Variants in PCSK6 observed in about 807,000 individuals in gnomAD.
The protein encoded by PCSK6 is proprotein convertase subtilisin/kexin type 6, also known as paired basic amino acid cleaving enzyme 4.
In PCSK6, 85 loss-of-function variants were observed where a neutral mutation model predicts 123.3. The observed-to-expected ratio is 0.69, with a 90% CI of 0.58 to 0.83. The LOEUF is 0.83. Ranked by LOEUF, PCSK6 falls within the 40% of genes least tolerant of loss-of-function variation. The pLI, the probability that PCSK6 is intolerant of heterozygous loss-of-function variation, is 0.00. For missense variants in PCSK6, 1,191 were observed against 1,282.3 expected, an observed-to-expected ratio of 0.93 and a Z score of 1.09; for synonymous variants, 508 against 516.0, an observed-to-expected ratio of 0.98 and a Z score of 0.21.
intron 4 of PCSK6, 117 bp from the exon 5 acceptor site, chr15:101,430,180 T>C (rs948073267): frequency 2.7e-6 from 2 of 741,250 alleles, no homozygotes; most frequent in Admixed American, 2.1e-5. Flanking sequence ...TCTCTTACTA[T>C]AGCTATAATC....
chr15:101,353,269 C>T (rs549071201), intron 13 of PCSK6, among the ~76,000 whole-genome samples: 7 of 152,322 alleles, frequency 4.6e-5, no homozygotes, highest in Middle Eastern at 3.4e-3. Context: ...ATCCCTGGCA[C>T]GTGCAGTTCA....
rs1049616002 is a variant in PCSK6 at position 101,489,587 on chromosome 15, CCCCGCG to C, written c.78_83del (p.Ala27_Gly28del). The C allele has an allele frequency of 8.2e-6, 8 of 975,836 alleles. No individual in the cohort carries two copies. In the African/African-American group the frequency reaches 1.4e-4, roughly 17 times the overall value. 60.4% of individuals were successfully genotyped at this position (975,836 alleles called of 1,614,324 possible). ...CGGCGCCCCCCGCGCCCCCCGCGCC[CCCCGCG>C]CCCGCGGCGGTGTCGGTGGCGGCGG... is the stretch of plus-strand genomic sequence containing the variant. On this transcript the variant is annotated inframe_deletion, in exon 1 of 22. Transcript: ENST00000611716.
chr15:101,466,333 T>A (rs539957850), intron 1 of PCSK6, among the ~76,000 whole-genome samples: 1 of 152,194 alleles, frequency 6.6e-6, no homozygotes, highest in Admixed American at 6.5e-5. Flanking sequence ...ATGAGATGGG[T>A]GCAGAAAAAA....
chr15:101,457,673 T>C lies in PCSK6; in HGVS notation c.298-14013A>G, dbSNP rs529501515. 5.1e-4 allele frequency among the ~76,000 whole-genome samples: 78 copies of C among 152,210 alleles called. 1 individual carries two copies. Among genetic ancestry groups the C allele is most frequent in the Admixed American group, 1.4e-3 (21 of 15,286 alleles). On this transcript the variant is annotated intron_variant, in intron 1 of 21. Coordinates refer to ENST00000611716, the MANE Select transcript of PCSK6 (RefSeq NM_002570.5). ...AGATAATCCCACCTAGACGGAGCCATACAGGGCCAAGGTGAACAGTACAGG... is the reference window on the plus strand; with the variant it reads ...AGATAATCCCACCTAGACGGAGCCACACAGGGCCAAGGTGAACAGTACAGG...
intron 2 of PCSK6, among the ~76,000 whole-genome samples, chr15:101,440,995 T>C (rs2056739784): frequency 1.3e-5 from 2 of 152,176 alleles, no homozygotes; most frequent in African/African-American, 4.8e-5. Context: ...TAATTAGAAC[T>C]ATGAGAAACA....
intron 1 of PCSK6, among the ~76,000 whole-genome samples, chr15:101,488,325 C>G (rs1342399842): frequency 6.6e-6 from 1 of 152,230 alleles, no homozygotes; most frequent in Admixed American, 6.5e-5. Flanking sequence ...ATAACGGCCT[C>G]TCCAGGAGCC....
chr15:101,343,763 C>T (rs1303956154), intron 13 of PCSK6, among the ~76,000 whole-genome samples: 2 of 152,156 alleles, frequency 1.3e-5, no homozygotes, highest in South Asian at 2.1e-4. Flanking sequence ...CGACATGTGG[C>T]CAATTTTCAT....
At chr15:101,313,093 G>A (rs749793891) in intron 20 of PCSK6, 56 of 1,362,842 alleles carry the variant, frequency 4.1e-5, no homozygotes, top group Non-Finnish European at 4.7e-5. Flanking sequence ...GGGCAGGGAC[G>A]TCCCGCGTAG....
intron 1 of PCSK6, among the ~76,000 whole-genome samples, chr15:101,451,028 G>A (rs1019286276): frequency 6.6e-6 from 1 of 151,612 alleles, no homozygotes; most frequent in African/African-American, 2.4e-5. Context: ...GGAGGGGTAG[G>A]AACCCTCACG....
intron 6 of PCSK6, among the ~76,000 whole-genome samples, chr15:101,419,554 G>A (rs1191442247): frequency 6.8e-6 from 1 of 146,600 alleles, no homozygotes; most frequent in Non-Finnish European, 1.5e-5. Flanking sequence ...TTTTTTAATG[G>A]AACTTGACAA....
intron 1 of PCSK6, among the ~76,000 whole-genome samples, chr15:101,466,949 T>G (rs577171186): frequency 6.6e-6 from 1 of 152,296 alleles, no homozygotes; most frequent in East Asian, 1.9e-4. Flanking sequence ...TACAACTCTC[T>G]GAATGTACCA....
Position 101,460,560 on chromosome 15 carries a change from A to C in PCSK6, c.298-16900T>G, listed in dbSNP as rs530243640. On this transcript the variant is annotated intron_variant, in intron 1 of 21. Transcript: ENST00000611716. ...ACTCTGTCAAGAGGTGTAATCCAGCAGACTTAGAACTCCACGCCCAACAAC... is the reference window on the plus strand; with the variant it reads ...ACTCTGTCAAGAGGTGTAATCCAGCCGACTTAGAACTCCACGCCCAACAAC... 8.8e-4 allele frequency among the ~76,000 whole-genome samples: 134 copies of C among 152,356 alleles called. 1 individual carries two copies. Among genetic ancestry groups the C allele is most frequent in the African/African-American group, 3.1e-3 (130 of 41,578 alleles).
intron 1 of PCSK6, among the ~76,000 whole-genome samples, chr15:101,453,481 G>T (rs1209914704): frequency 6.6e-6 from 1 of 152,222 alleles, no homozygotes; most frequent in Non-Finnish European, 1.5e-5. Flanking sequence ...GGCCCAGCCT[G>T]GGACCCCATG....
At chr15:101,478,198 T>C (rs1010662440) in intron 1 of PCSK6, among the ~76,000 whole-genome samples, 1 of 152,196 alleles carries the variant, frequency 6.6e-6, no homozygotes, top group African/African-American at 2.4e-5. Flanking sequence ...TATAGCAGGT[T>C]ACTCAGCCTC....
intron 18 of PCSK6, among the ~76,000 whole-genome samples, chr15:101,320,226 C>T (rs1158465519): frequency 6.6e-6 from 1 of 152,184 alleles, no homozygotes; most frequent in African/African-American, 2.4e-5. Context: ...GCTGAGATTA[C>T]AGGCGTGCAC....
chr15:101,321,204 C>T (rs190097521), intron 18 of PCSK6, among the ~76,000 whole-genome samples: 1 of 152,336 alleles, frequency 6.6e-6, no homozygotes, highest in East Asian at 1.9e-4. Context: ...CTTCCTCTTC[C>T]AACTCTTTTA....
intron 6 of PCSK6, among the ~76,000 whole-genome samples, chr15:101,417,005 G>A (rs1379375385): frequency 6.6e-6 from 1 of 152,196 alleles, no homozygotes; most frequent in Non-Finnish European, 1.5e-5. Context: ...ACTGCCTAGT[G>A]GACCTGTGAG....
intron 13 of PCSK6, among the ~76,000 whole-genome samples, chr15:101,358,583 T>C (rs2041115387): frequency 2.0e-5 from 3 of 152,332 alleles, no homozygotes; most frequent in Admixed American, 6.5e-5. Context: ...ATCTGGCACA[T>C]GGCAGGACCT....
At chr15:101,467,287 T>C (rs1204562371) in intron 1 of PCSK6, among the ~76,000 whole-genome samples, 4 of 151,982 alleles carry the variant, frequency 2.6e-5, no homozygotes, top group Admixed American at 1.3e-4. Context: ...TTTTTTTTTT[T>C]TTCAAGACAG....
Sources: allele counts gnomAD v4.1 joint callset (sites outside exome capture counted in the v4.1 genomes callset), GRCh38; gene constraint gnomAD v4.1.1; transcripts MANE v1.5; gene names NCBI Gene and HGNC (gene_info 2026-07-23, HGNC 2026-07-21).